CTNNA2: variants seen among roughly 807,000 people sequenced by gnomAD.
CTNNA2 encodes catenin alpha-2.
CTNNA2 carries 42 observed loss-of-function variants against 101.0 expected under a neutral mutation model. That is an observed-to-expected ratio of 0.42 (90% CI 0.32 to 0.54). CTNNA2 has a LOEUF of 0.54. Among genes scored for constraint, CTNNA2 ranks in the 20% least tolerant of loss-of-function variants. The pLI, the probability that CTNNA2 is intolerant of heterozygous loss-of-function variation, is 0.14. For missense variants in CTNNA2, 871 were observed against 1,223.1 expected, an observed-to-expected ratio of 0.71 and a Z score of 4.29; for synonymous variants, 450 against 456.4, an observed-to-expected ratio of 0.99 and a Z score of 0.18.
intron 7 of CTNNA2, among the ~76,000 whole-genome samples, chr2:79,912,533 G>C (rs1359547332): frequency 6.6e-6 from 1 of 152,230 alleles, no homozygotes; most frequent in Non-Finnish European, 1.5e-5. Flanking sequence ...AAAAGGCTGG[G>C]TGAACAGAGG....
intron 1 of CTNNA2, chr2:79,548,234 T>C (rs1673862013): frequency 6.6e-6 from 1 of 152,256 alleles, no homozygotes; most frequent in Non-Finnish European, 1.5e-5. Context: ...AAATACTCTT[T>C]AAGTACTAAT....
rs17730545 is a variant in CTNNA2 at position 79,824,651 on chromosome 2, A to T, written c.299-33362A>T. ...CAATCTAAATGATCTTACACAAGATATTTTTTAAATGTAGAATATTCTAGA... is the reference window on the plus strand; with the variant it reads ...CAATCTAAATGATCTTACACAAGATTTTTTTTAAATGTAGAATATTCTAGA... On this transcript the variant is annotated intron_variant, in intron 3 of 18. Coordinates refer to ENST00000402739, the MANE Select transcript of CTNNA2 (RefSeq NM_001282597.3). 6.0e-5 allele frequency among the ~76,000 whole-genome samples: 4 copies of T among 66,856 alleles called. No homozygotes were observed. In the South Asian group the frequency reaches 2.5e-3, roughly 42 times the overall value. 43.9% of individuals were successfully genotyped at this position (66,856 alleles called of 152,430 possible). A position where few individuals can be genotyped will look rare whatever the true frequency, so the allele number is the denominator to read the frequency against.
chr2:79,226,005 G>A (rs1166144840), intron 2 of CTNNA2, among the ~76,000 whole-genome samples: 3 of 152,088 alleles, frequency 2.0e-5, no homozygotes, highest in African/African-American at 7.2e-5. Flanking sequence ...TCTACTAGTT[G>A]AGGACTTGCC....
At chr2:80,221,665 C>A (rs551418438) in intron 7 of CTNNA2, among the ~76,000 whole-genome samples, 1 of 152,252 alleles carries the variant, frequency 6.6e-6, no homozygotes, top group African/African-American at 2.4e-5. Context: ...TTGAAAATTT[C>A]ATGGAAGAAG....
chr2:79,297,712 T>C (rs951617404), intron 2 of CTNNA2, among the ~76,000 whole-genome samples: 3 of 152,186 alleles, frequency 2.0e-5, no homozygotes, highest in African/African-American at 7.2e-5. Flanking sequence ...CATCTACTCA[T>C]TGCTTTAACT....
chr2:80,542,995 G>C lies in CTNNA2; in HGVS notation c.1291-1987G>C, dbSNP rs570442609. Among the ~76,000 whole-genome samples, 14 of 152,234 alleles carry C rather than the reference G, an allele frequency of 9.2e-5. No homozygotes were observed. In the East Asian group the frequency reaches 1.9e-3, roughly 21 times the overall value. On this transcript the variant is annotated intron_variant, in intron 9 of 18. Transcript: ENST00000402739. The stretch of plus-strand genomic sequence containing the variant: ...CATTGGTTAACATCTGCTAGAAGGT[G>C]AACATTTGTCTTGCCAAATTAAGGG...
intron 18 of CTNNA2, among the ~76,000 whole-genome samples, chr2:80,644,251 C>T (rs1198869419): frequency 1.3e-5 from 2 of 152,148 alleles, no homozygotes; most frequent in South Asian, 2.1e-4. Context: ...ATTCCTACTT[C>T]GAGAATTTTT....
At chr2:80,397,019 A>C (rs148623653) in intron 8 of CTNNA2, among the ~76,000 whole-genome samples, 45 of 152,364 alleles carry the variant, frequency 3.0e-4, no homozygotes, top group African/African-American at 1.1e-3. Flanking sequence ...ATCAATAAGC[A>C]AAACATGTTA....
intron 9 of CTNNA2, among the ~76,000 whole-genome samples, chr2:80,511,900 C>T (rs1451482616): frequency 6.6e-6 from 1 of 151,946 alleles, no homozygotes; most frequent in Non-Finnish European, 1.5e-5. Flanking sequence ...CCTGTAATCC[C>T]AGCACTTTGG....
At chr2:79,312,765 T>G (rs773621821) in exon 3 of CTNNA2, 2 of 152,212 alleles carry the variant, frequency 1.3e-5, no homozygotes, top group Non-Finnish European at 2.9e-5. Flanking sequence ...AAAGATGAGA[T>G]GCATGAATCA....
At chr2:79,346,208 C>G (rs755572794) in intron 3 of CTNNA2, among the ~76,000 whole-genome samples, 8 of 152,116 alleles carry the variant, frequency 5.3e-5, no homozygotes, top group Non-Finnish European at 1.0e-4. Flanking sequence ...CTGGCCTGCT[C>G]CGCTAAGCAT....
intron 1 of CTNNA2, among the ~76,000 whole-genome samples, chr2:79,185,735 T>A (rs1673769091): frequency 6.6e-6 from 1 of 152,142 alleles, no homozygotes; most frequent in African/African-American, 2.4e-5. Flanking sequence ...TTAATAAATG[T>A]TAATTATGTC....
intron 1 of CTNNA2, among the ~76,000 whole-genome samples, chr2:79,578,025 C>G (rs1177931909): frequency 6.6e-6 from 1 of 150,924 alleles, no homozygotes; most frequent in Non-Finnish European, 1.5e-5. Context: ...AAGGAATAAT[C>G]ACTGAGGTGC....
At chr2:79,792,979 G>T (rs1000323083) in intron 3 of CTNNA2, among the ~76,000 whole-genome samples, 13 of 152,114 alleles carry the variant, frequency 8.5e-5, no homozygotes, top group African/African-American at 2.9e-4. Flanking sequence ...CTACTTAACA[G>T]AAATCACTGG....
chr2:79,568,945 G>A (rs1192211188), intron 1 of CTNNA2, among the ~76,000 whole-genome samples: 1 of 151,132 alleles, frequency 6.6e-6, no homozygotes, highest in Non-Finnish European at 1.5e-5. Context: ...GATACGGGAG[G>A]ATTGCTTCAG....
In CTNNA2 at chr2:80,303,398, C is replaced by T; in HGVS notation, c.1057-89813C>T. ...CAGCTTGTTGTACGAGAGGTCCACG[C>T]TGCGCAGGTTGGGCATGGGCCGGAA... On this transcript the variant is annotated intron_variant, in intron 7 of 18. Coordinates refer to ENST00000402739, the MANE Select transcript of CTNNA2 (RefSeq NM_001282597.3). This position sits in a 1 kb window ranked among gnomAD's most constrained non-coding sequence, Gnocchi z 7.7. 6.2e-7 allele frequency: 1 copy of T among 1,614,196 alleles called. No homozygotes were observed. Among genetic ancestry groups the T allele is most frequent in the Non-Finnish European group, 8.5e-7 (1 of 1,180,036 alleles).
intron 4 of CTNNA2, among the ~76,000 whole-genome samples, chr2:79,487,430 T>C (rs1056341843): frequency 6.6e-6 from 1 of 152,138 alleles, no homozygotes; most frequent in African/African-American, 2.4e-5. Context: ...GTCAACAGAG[T>C]GTAGTGAACA....
Position 80,119,933 on chromosome 2 carries a change from A to G in CTNNA2, c.1056+210136A>G, listed in dbSNP as rs551901767. Reference sequence around the variant, plus strand: ...CTAGGTTTTAATGTGCTATAAGGAAATTAAAAGCCTCTGGCAATCTATAAA... The same window carrying G: ...CTAGGTTTTAATGTGCTATAAGGAAGTTAAAAGCCTCTGGCAATCTATAAA... On this transcript the variant is annotated intron_variant, in intron 7 of 18. Coordinates refer to ENST00000402739, the MANE Select transcript of CTNNA2 (RefSeq NM_001282597.3). Among the ~76,000 whole-genome samples, 4 of 152,338 alleles carry G rather than the reference A, an allele frequency of 2.6e-5. No homozygotes were observed. In the South Asian group the frequency reaches 6.2e-4, roughly 24 times the overall value.
intron 4 of CTNNA2, among the ~76,000 whole-genome samples, chr2:79,383,148 G>T (rs1217989180): frequency 5.3e-5 from 8 of 152,164 alleles, no homozygotes; most frequent in Non-Finnish European, 2.9e-5. Context: ...GGAAGACAGA[G>T]GTCCTGGGGA....
Sources: allele counts gnomAD v4.1 joint callset (sites outside exome capture counted in the v4.1 genomes callset), GRCh38; gene constraint gnomAD v4.1.1; non-coding constraint Gnocchi (gnomAD v3.1); transcripts MANE v1.5; gene names NCBI Gene and HGNC (gene_info 2026-07-23, HGNC 2026-07-21).